PLXNC1: variants seen among roughly 807,000 people sequenced by gnomAD.
PLXNC1 encodes plexin-C1.
PLXNC1 carries 75 observed loss-of-function variants against 178.2 expected under a neutral mutation model. The ratio of observed to expected loss-of-function variants is 0.42; its 90% CI spans 0.35 to 0.51. The LOEUF (loss-of-function observed/expected upper bound fraction) is 0.51, where lower values mean the gene tolerates loss of function less well. Among genes scored for constraint, PLXNC1 ranks in the 20% least tolerant of loss-of-function variants. PLXNC1 has a pLI of 0.02. For missense variants in PLXNC1, 1,503 were observed against 1,984.4 expected (o/e 0.76, Z 4.61); for synonymous variants, 790 against 779.9 (o/e 1.01, Z -0.22).
intron 1 of PLXNC1, 65 bp downstream of exon 1, chr12:94,150,098 G>A (rs1355173171): frequency 1.5e-6 from 2 of 1,327,358 alleles, no homozygotes; most frequent in Non-Finnish European, 2.0e-6. Context: ...CGCCGCCGAG[G>A]CAGAACGAGC....
At chr12:94,230,584 T>A (rs1457072530) in intron 9 of PLXNC1, among the ~76,000 whole-genome samples, 1 of 152,242 alleles carries the variant, frequency 6.6e-6, no homozygotes, top group Admixed American at 6.5e-5. Context: ...AATCTCTCTT[T>A]TGTTTGATAG....
At chr12:94,243,318 C>T (rs1592802804) in intron 11 of PLXNC1, among the ~76,000 whole-genome samples, 1 of 152,358 alleles carries the variant, frequency 6.6e-6, no homozygotes, top group East Asian at 1.9e-4. Flanking sequence ...GAGCTGTGGA[C>T]AGCTGTTTCT....
chr12:94,250,223 G>A (rs1324232090), intron 14 of PLXNC1, among the ~76,000 whole-genome samples: 1 of 152,178 alleles, frequency 6.6e-6, no homozygotes, highest in Non-Finnish European at 1.5e-5. Context: ...GACAACAGGA[G>A]ATGATTAGAA....
At chr12:94,246,373 G>A (rs527943310) in intron 12 of PLXNC1, among the ~76,000 whole-genome samples, 28 of 152,324 alleles carry the variant, frequency 1.8e-4, no homozygotes, top group African/African-American at 6.5e-4. Context: ...GGGGCATCGT[G>A]AAGCTAGAGA....
intron 2 of PLXNC1, among the ~76,000 whole-genome samples, chr12:94,170,173 A>G (rs538297649): frequency 2.4e-4 from 36 of 152,188 alleles, no homozygotes; most frequent in Non-Finnish European, 4.4e-4. Context: ...CCCTCAACTG[A>G]TCTCCCACAG....
At chr12:94,179,919 T>C (rs1962246087) in intron 2 of PLXNC1, among the ~76,000 whole-genome samples, 1 of 152,094 alleles carries the variant, frequency 6.6e-6, no homozygotes, top group Admixed American at 6.5e-5. Flanking sequence ...GATGAGGAAA[T>C]TGAGGCCTAG....
intron 17 of PLXNC1, among the ~76,000 whole-genome samples, chr12:94,258,707 C>T (rs1016220896): frequency 2.6e-5 from 4 of 152,148 alleles, no homozygotes; most frequent in African/African-American, 9.7e-5. Context: ...TACTCTGCAC[C>T]CATTTTATTT....
At chr12:94,156,963 A>G (rs1473582038) in intron 1 of PLXNC1, among the ~76,000 whole-genome samples, 1 of 152,004 alleles carries the variant, frequency 6.6e-6, no homozygotes, top group African/African-American at 2.4e-5. Flanking sequence ...AGTCCTTCCG[A>G]AGTGCTAAGA....
At chr12:94,178,399 G>A (rs977907780) in intron 2 of PLXNC1, among the ~76,000 whole-genome samples, 3 of 152,176 alleles carry the variant, frequency 2.0e-5, no homozygotes, top group African/African-American at 7.2e-5. Flanking sequence ...AGAGATACCA[G>A]GGCAGCAGCT....
chr12:94,160,039 C>T (rs1308030223), intron 1 of PLXNC1, among the ~76,000 whole-genome samples: 1 of 152,146 alleles, frequency 6.6e-6, no homozygotes, highest in Admixed American at 6.5e-5. Context: ...TGCCTTGGGA[C>T]ATACAGGAAG....
intron 16 of PLXNC1, 98 bp downstream of exon 16, chr12:94,254,986 G>A: frequency 9.3e-7 from 1 of 1,072,468 alleles, no homozygotes; most frequent in Non-Finnish European, 1.4e-6. Context: ...AATGAGAACT[G>A]TTTGTATAAT....
intron 23 of PLXNC1, 107 bp downstream of exon 23, chr12:94,282,508 G>T: frequency 1.3e-6 from 1 of 760,056 alleles, no homozygotes; most frequent in Non-Finnish European, 2.2e-6. Flanking sequence ...GGAATGACTT[G>T]CAGATCGATC....
Position 94,305,139 on chromosome 12 carries a change from T to TA in PLXNC1, c.4603-38dup, listed in dbSNP as rs769416352. On this transcript the variant is annotated intron_variant, in intron 30 of 30. Transcript: ENST00000258526. ...TATGCAAAAAACAGAATTGTAACGC[T>TA]AAAACCACAATATCTAAAATAACTG... 100 of 1,360,964 alleles carry TA rather than the reference T, an allele frequency of 7.3e-5. 1 individual carries two copies. The South Asian group carries it at 1.2e-3, about 16-fold the overall frequency. 84.3% of individuals were successfully genotyped at this position (1,360,964 alleles called of 1,614,324 possible).
chr12:94,234,318 T>C (rs1964185804), intron 9 of PLXNC1, among the ~76,000 whole-genome samples: 1 of 152,210 alleles, frequency 6.6e-6, no homozygotes, highest in African/African-American at 2.4e-5. Flanking sequence ...GAAGTAATCC[T>C]CTTAGACCTT....
chr12:94,251,576 C>T (rs770351673), intron 15 of PLXNC1, 48 bp downstream of exon 15: 2 of 1,209,444 alleles, frequency 1.7e-6, no homozygotes, highest in African/African-American at 3.0e-5. Context: ...CCTGGGGCCT[C>T]TCGCCGGGCA....
rs1962301628 is a variant in PLXNC1, at chr12:94,181,419, GT to G, written c.1204-24del. 4.5e-6 allele frequency: 6 copies of G among 1,346,764 alleles called. No homozygotes were observed. In the South Asian group the frequency reaches 7.7e-5, roughly 17 times the overall value. The allele number at this position is 1,346,764 out of a possible 1,614,324, so 83.4% of individuals were successfully genotyped here. A position where few individuals can be genotyped will look rare whatever the true frequency, so the allele number is the denominator to read the frequency against. ...AAAAAAAGTATTAAATAGAAATCAT[GT>G]TTCTCTTTTTGAAAAAAAAAAATAG... On this transcript the variant is annotated intron_variant, in intron 2 of 30. Coordinates refer to ENST00000258526, the MANE Select transcript of PLXNC1 (RefSeq NM_005761.3).
intron 5 of PLXNC1, among the ~76,000 whole-genome samples, chr12:94,210,032 A>G (rs751763850): frequency 6.6e-6 from 1 of 152,212 alleles, no homozygotes; most frequent in South Asian, 2.1e-4. Flanking sequence ...TGCTTTTGAA[A>G]ATAAAGAAAA....
chr12:94,251,943 A>AGATCACACCACTGCAC (rs1964706222), intron 15 of PLXNC1, among the ~76,000 whole-genome samples: 1 of 151,946 alleles, frequency 6.6e-6, no homozygotes, highest in Admixed American at 6.6e-5. Context: ...CAGTGAGCCG[A>AGATCACACCACTGCAC]GATCACACCA....
At chr12:94,204,953 A>G (rs555248136) in intron 4 of PLXNC1, among the ~76,000 whole-genome samples, 1 of 152,350 alleles carries the variant, frequency 6.6e-6, no homozygotes, top group Admixed American at 6.5e-5. Flanking sequence ...CCTGATATGT[A>G]GTTATCAGAT....
Sources: allele counts gnomAD v4.1 joint callset (sites outside exome capture counted in the v4.1 genomes callset), GRCh38; gene constraint gnomAD v4.1.1; transcripts MANE v1.5; gene names NCBI Gene and HGNC (gene_info 2026-07-23, HGNC 2026-07-21).